USP20: variants seen among roughly 807,000 people sequenced by gnomAD.
USP20 encodes the protein ubiquitin carboxyl-terminal hydrolase 20.
USP20 carries 80 observed loss-of-function variants against 124.2 expected under a neutral mutation model. The ratio of observed to expected loss-of-function variants is 0.64; its 90% CI spans 0.54 to 0.78. The LOEUF is 0.78. Ranked by LOEUF, USP20 falls within the 30% of genes least tolerant of loss-of-function variation. The pLI is 0.00. For synonymous variants in USP20, 481 were observed against 512.3 expected (o/e 0.94, Z 0.83); for missense variants, 1,043 against 1,244.4 (o/e 0.84, Z 2.44).
chr9:129,836,409 G>A (rs1351868645), intron 1 of USP20, among the ~76,000 whole-genome samples: 1 of 152,186 alleles, frequency 6.6e-6, no homozygotes, highest in Non-Finnish European at 1.5e-5. Flanking sequence ...GAGGGGCAGT[G>A]CACGCCTCAA....
chr9:129,865,829 G>A (rs111886491), intron 10 of USP20, among the ~76,000 whole-genome samples: 4 of 152,180 alleles, frequency 2.6e-5, no homozygotes, highest in African/African-American at 7.2e-5. Context: ...TGCACCCGGC[G>A]GAGGGGAGAT....
At chr9:129,866,660 T>C (rs1410550678) in intron 10 of USP20, among the ~76,000 whole-genome samples, 1 of 152,206 alleles carries the variant, frequency 6.6e-6, no homozygotes, top group East Asian at 1.9e-4. Context: ...AGCATCCCTT[T>C]CTGTGGTTTT....
intron 3 of USP20, among the ~76,000 whole-genome samples, chr9:129,854,610 G>T (rs2033115105): frequency 6.6e-6 from 1 of 151,288 alleles, no homozygotes; most frequent in African/African-American, 2.4e-5. Flanking sequence ...GTTATAGCAA[G>T]CATTCGATAC....
At chr9:129,846,999 G>A (rs1017618376) in intron 1 of USP20, among the ~76,000 whole-genome samples, 3 of 152,200 alleles carry the variant, frequency 2.0e-5, no homozygotes, top group South Asian at 2.1e-4. Context: ...TTTTTAGGCT[G>A]AATCATATTT....
rs372546675 is a variant in USP20 at position 129,879,785 on chromosome 9, C to T, written c.2584+141C>T. On this transcript the variant is annotated intron_variant, in intron 24 of 25. Coordinates refer to ENST00000372429, the MANE Select transcript of USP20 (RefSeq NM_001110303.4). This position sits in a 1 kb window ranked among gnomAD's most constrained non-coding sequence, Gnocchi z 4.2. ...ACGTCCACCTGAGTCCAGACCCAGG[C>T]GGCTGAGAGATGGCCCAAGGGGCTT... 2 of 981,808 alleles carry T rather than the reference C, an allele frequency of 2.0e-6. No homozygotes were observed. The highest frequency in any genetic ancestry group is 2.5e-5 in the Admixed American group (1 of 40,748). The allele number at this position is 981,808 out of a possible 1,614,324, so 60.8% of individuals were successfully genotyped here. A position where few individuals can be genotyped will look rare whatever the true frequency, so the allele number is the denominator to read the frequency against.
intron 1 of USP20, among the ~76,000 whole-genome samples, chr9:129,836,165 G>A (rs951001361): frequency 1.3e-5 from 2 of 152,222 alleles, no homozygotes; most frequent in Non-Finnish European, 2.9e-5. Flanking sequence ...ACTGGTATCA[G>A]CAAACGCTTA....
chr9:129,878,400 G>T lies in USP20; in HGVS notation c.2472G>T (p.Trp824Cys). The T allele has an allele frequency of 6.2e-7, 1 of 1,610,668 alleles. No homozygotes were observed. Residue 824 changes from tryptophan (W) to cysteine (C), a missense_variant, in exon 23 of 26, where the codon TGG becomes TGT. Transcript: ENST00000372429. ...TCATCTACTGCATCAGCATGCAGTGGTTCCGGGAGTGGGAGGCGTTCGTCA... is the reference window on the plus strand; with the variant it reads ...TCATCTACTGCATCAGCATGCAGTGTTTCCGGGAGTGGGAGGCGTTCGTCA... ...PGVIYCISMQ[W>C]FREWEAFVKG...
chr9:129,837,402 G>A (rs879715944), intron 1 of USP20, among the ~76,000 whole-genome samples: 1 of 152,212 alleles, frequency 6.6e-6, no homozygotes, highest in African/African-American at 2.4e-5. Context: ...ATGTTGGCTT[G>A]TTTCAGGGTT....
At chr9:129,845,977 C>T (rs865963263) in intron 1 of USP20, among the ~76,000 whole-genome samples, 4 of 151,594 alleles carry the variant, frequency 2.6e-5, no homozygotes, top group African/African-American at 9.7e-5. Context: ...CAGGCTGGAG[C>T]GCAGTGGTGC....
At chr9:129,872,902 C>T (rs2034193487) in intron 15 of USP20, among the ~76,000 whole-genome samples, 1 of 151,962 alleles carries the variant, frequency 6.6e-6, no homozygotes, top group African/African-American at 2.4e-5. Flanking sequence ...CCCACCCCAC[C>T]TCCATTTTGC....
At position 129,875,312 on chromosome 9, in the gene USP20, A is replaced by G. The variant is rs1313822923; in HGVS notation, c.2051A>G (p.Lys684Arg). ...CTCGCCCCCTCCTCACCCCACAGGA[A>G]GAGCAGCGAGGAGGCCATGCGGGAG... ...NAEGYVLFYR[K>R]SSEEAMRERQ... Residue 684 changes from lysine (K) to arginine (R), a missense_variant and splice_region_variant, in exon 20 of 26, where the codon AAG becomes AGG. Lys to Arg is a conservative substitution (Grantham distance 26, BLOSUM62 2). Coordinates refer to ENST00000372429, the MANE Select transcript of USP20 (RefSeq NM_001110303.4). The G allele has an allele frequency of 1.2e-6, 2 of 1,604,856 alleles. No homozygotes were observed. Among genetic ancestry groups the G allele is most frequent in the Non-Finnish European group, 1.7e-6 (2 of 1,175,020 alleles).
intron 6 of USP20, among the ~76,000 whole-genome samples, chr9:129,859,432 C>T (rs545162073): frequency 6.6e-6 from 1 of 150,830 alleles, no homozygotes; most frequent in South Asian, 2.1e-4. Flanking sequence ...CACGACCATG[C>T]CTGGCTAATT....
chr9:129,863,126 T>A, intron 8 of USP20, 60 bp from the exon 9 acceptor site: 1 of 1,385,146 alleles, frequency 7.2e-7, no homozygotes, highest in Non-Finnish European at 9.8e-7. Flanking sequence ...TGCAGCCCTT[T>A]CTAAACTGCC....
Position 129,868,464 on chromosome 9 carries a change from G to A in USP20, c.1135+15G>A. ...CCGGACGCCAGGTATCAGCTGGCCG[G>A]GGACTGCGGGAGGAACCTCAGCCTA... On this transcript the variant is annotated intron_variant, in intron 11 of 25. Transcript: ENST00000372429. 6.2e-7 allele frequency: 1 copy of A among 1,604,536 alleles called. No individual in the cohort carries two copies.
At chr9:129,845,912 TTTTTG>T (rs1018393774) in intron 1 of USP20, among the ~76,000 whole-genome samples, 21 of 152,142 alleles carry the variant, frequency 1.4e-4, no homozygotes, top group African/African-American at 4.3e-4. Flanking sequence ...TAATAGGTTT[TTTTTG>T]TTTTGTTTTG....
intron 4 of USP20, 67 bp downstream of exon 4, chr9:129,856,427 TG>T: frequency 5.9e-6 from 9 of 1,533,174 alleles, no homozygotes; most frequent in Non-Finnish European, 8.1e-6. Flanking sequence ...CTGCACAGGC[TG>T]GTGCAGTGGG....
At chr9:129,873,078 TTC>T (rs1491068936) in intron 15 of USP20, among the ~76,000 whole-genome samples, 80 of 75,678 alleles carry the variant, frequency 1.1e-3, no homozygotes, top group South Asian at 2.3e-3. Flanking sequence ...CTTTTTCTTC[TTC>T]TTTTTTTTTT....
chr9:129,872,135 T>G (rs1348490034), intron 15 of USP20, among the ~76,000 whole-genome samples: 3 of 152,034 alleles, frequency 2.0e-5, no homozygotes, highest in Non-Finnish European at 4.4e-5. Flanking sequence ...CCTATTTTGT[T>G]TTTTGTTGCT....
At chr9:129,858,832 C>A (rs543163475) in intron 6 of USP20, among the ~76,000 whole-genome samples, 63 of 152,250 alleles carry the variant, frequency 4.1e-4, no homozygotes, top group Non-Finnish European at 7.6e-4. Context: ...GAGAGTAGGG[C>A]CTCCCTTGAG....
Sources: allele counts gnomAD v4.1 joint callset (sites outside exome capture counted in the v4.1 genomes callset), GRCh38; gene constraint gnomAD v4.1.1; non-coding constraint Gnocchi (gnomAD v3.1); transcripts MANE v1.5; gene names NCBI Gene and HGNC (gene_info 2026-07-23, HGNC 2026-07-21).